The following EPAS1 variants were observed in gnomAD, a reference collection of about 807,000 sequenced individuals.
The protein encoded by EPAS1 is endothelial PAS domain protein 1.
A neutral mutation model predicts 87.9 loss-of-function variants in EPAS1; 23 were observed. The ratio of observed to expected loss-of-function variants is 0.26; its 90% confidence interval spans 0.19 to 0.37. The LOEUF is 0.37. Among genes scored for constraint, EPAS1 ranks in the 10% least tolerant of loss-of-function variants. EPAS1 has a pLI of 1.00. For missense variants in EPAS1, 1,138 were observed against 1,120.7 expected (o/e 1.02, Z -0.22); for synonymous variants, 508 against 444.3 (o/e 1.14, Z -1.80).
In EPAS1 at chr2:46,300,043, G is replaced by C. The variant is rs1217423277; in HGVS notation, c.26+2106G>C. Among the ~76,000 whole-genome samples, 1 of 152,232 alleles carries C rather than the reference G, an allele frequency of 6.6e-6. No individual in the cohort carries two copies. The highest frequency in any genetic ancestry group is 1.5e-5 in the Non-Finnish European group (1 of 68,036). On this transcript the variant is annotated intron_variant, in intron 1 of 15. Transcript: ENST00000263734. This position sits in a 1 kb window ranked among gnomAD's most constrained non-coding sequence, Gnocchi z 4.1. ...GTGCTGCAGAATGGCAGGGCAAACAGCGTGTCCTTCACCATCTAGAGCCCC... is the reference window on the plus strand; with the variant it reads ...GTGCTGCAGAATGGCAGGGCAAACACCGTGTCCTTCACCATCTAGAGCCCC...
rs778451930 is a variant in EPAS1, at chr2:46,356,135, C to T, written c.218-16C>T. ...TCCACATTCATGCAAGCTGTCCCAC[C>T]CCCCCCCCTTTCCAGTTTGCTCTGA... is the stretch of plus-strand genomic sequence containing the variant. On this transcript the variant is annotated splice_polypyrimidine_tract_variant and intron_variant, in intron 2 of 15. Coordinates refer to ENST00000263734, the MANE Select transcript of EPAS1 (RefSeq NM_001430.5). 12 of 1,242,900 alleles carry T rather than the reference C, an allele frequency of 9.7e-6. No individual in the cohort carries two copies. Among genetic ancestry groups the T allele is most frequent in the Non-Finnish European group, 1.4e-5 (12 of 886,520 alleles). The allele number at this position is 1,242,900 out of a possible 1,614,324, so 77.0% of individuals were successfully genotyped here.
chr2:46,298,923 G>C (rs1682940397), intron 1 of EPAS1, among the ~76,000 whole-genome samples: 2 of 152,324 alleles, frequency 1.3e-5, no homozygotes, highest in Admixed American at 1.3e-4. Context: ...CCACCCGTGC[G>C]GCCCCAGTGG....
Position 46,356,715 on chromosome 2 carries a change from T to C in EPAS1, c.370-9T>C, listed in dbSNP as rs754298535. 5 of 1,609,534 alleles carry C rather than the reference T, an allele frequency of 3.1e-6. No homozygotes were observed. In the East Asian group the frequency reaches 1.1e-4, roughly 36 times the overall value. The stretch of plus-strand genomic sequence containing the variant: ...GGAATAATGATGCCTAACCTTGTTT[T>C]TGAAACAGGTGGAGCTAACAGGACA... On this transcript the variant is annotated splice_polypyrimidine_tract_variant and intron_variant, in intron 3 of 15. Coordinates refer to ENST00000263734, the MANE Select transcript of EPAS1 (RefSeq NM_001430.5).
rs186296332 is a variant in EPAS1, at chr2:46,329,323, G to A, written c.27-17550G>A. ...TTTCCTAGGACTCAGCACCTATGCC[G>A]ACAGTCCTTGCAAGACAGGAGGGGA... On this transcript the variant is annotated intron_variant, in intron 1 of 15. Transcript: ENST00000263734. Among the ~76,000 whole-genome samples the A allele has an allele frequency of 5.9e-4, 90 of 152,222 alleles. No homozygotes were observed. The East Asian group carries it at 6.6e-3, about 11-fold the overall frequency.
At chr2:46,328,532 G>A (rs1265725006) in intron 1 of EPAS1, among the ~76,000 whole-genome samples, 4 of 152,290 alleles carry the variant, frequency 2.6e-5, no homozygotes, top group Admixed American at 6.5e-5. Context: ...TGATGGGCCT[G>A]TTTATGACCT....
intron 1 of EPAS1, among the ~76,000 whole-genome samples, chr2:46,327,337 TATTAGAGA>T (rs1233392242): frequency 6.6e-6 from 1 of 151,670 alleles, no homozygotes; most frequent in Non-Finnish European, 1.5e-5. Flanking sequence ...TACAGGAGAG[TATTAGAGA>T]ATTAGAGAAT....
At position 46,346,845 on chromosome 2, in the gene EPAS1, C is replaced by T. The variant is rs368876660; in HGVS notation, c.27-28C>T. 4.8e-5 allele frequency: 77 copies of T among 1,613,198 alleles called. No individual in the cohort carries two copies. Among genetic ancestry groups the T allele is most frequent in the Non-Finnish European group, 5.8e-5 (69 of 1,179,494 alleles). ...TATGATAGGCTGACAGTAACCTTTC[C>T]GGGACTAACCCCTTCTTCTCCACTT... On this transcript the variant is annotated intron_variant, in intron 1 of 15. Transcript: ENST00000263734. The surrounding 1 kb of genome is among the most constrained non-coding windows in gnomAD (Gnocchi z 4.0).
intron 1 of EPAS1, among the ~76,000 whole-genome samples, chr2:46,338,460 C>T (rs992813138): frequency 5.3e-5 from 8 of 152,180 alleles, no homozygotes; most frequent in African/African-American, 1.9e-4. Context: ...TGGAGAGCCA[C>T]GCAAATGCCT....
At chr2:46,341,396 T>C (rs1683910495) in intron 1 of EPAS1, among the ~76,000 whole-genome samples, 1 of 152,212 alleles carries the variant, frequency 6.6e-6, no homozygotes, top group African/African-American at 2.4e-5. Flanking sequence ...TGAAGTTAAT[T>C]CTAAAAGACT....
At chr2:46,358,801 C>A (rs1331259566) in intron 4 of EPAS1, among the ~76,000 whole-genome samples, 1 of 152,100 alleles carries the variant, frequency 6.6e-6, no homozygotes, top group Non-Finnish European at 1.5e-5. Flanking sequence ...GTGATCTAGA[C>A]CTAAAGGGTT....
intron 2 of EPAS1, among the ~76,000 whole-genome samples, chr2:46,351,692 G>T (rs1684148201): frequency 6.6e-6 from 1 of 152,176 alleles, no homozygotes; most frequent in African/African-American, 2.4e-5. Flanking sequence ...GAACCAGGAA[G>T]ACCCCATCAG....
At chr2:46,316,684 G>A (rs1386947309) in intron 1 of EPAS1, among the ~76,000 whole-genome samples, 1 of 152,192 alleles carries the variant, frequency 6.6e-6, no homozygotes, top group Non-Finnish European at 1.5e-5. Context: ...ATCGGTGGCT[G>A]CAGAACTGAT....
At position 46,297,694 on chromosome 2, in the gene EPAS1, C is replaced by G. The variant is rs1209968748; in HGVS notation, c.-218C>G. 5.2e-6 allele frequency: 3 copies of G among 574,300 alleles called. No homozygotes were observed. Among genetic ancestry groups the G allele is most frequent in the African/African-American group, 4.0e-5 (2 of 50,216 alleles). 35.6% of individuals were successfully genotyped at this position (574,300 alleles called of 1,614,324 possible). On this transcript the variant is annotated 5_prime_UTR_variant, in exon 1 of 16. Coordinates refer to ENST00000263734, the MANE Select transcript of EPAS1 (RefSeq NM_001430.5). ...TCCTTCCCCGGACCCCGCCTCCGCG[C>G]GCAGGTTCCTCCCAGTCACCTTTCT...
rs1410580745 is a variant in EPAS1, at chr2:46,379,048, T to TAAAC, written c.1554+283_1554+286dup. Among the ~76,000 whole-genome samples, 5 of 152,342 alleles carry TAAAC rather than the reference T, an allele frequency of 3.3e-5. No homozygotes were observed. The East Asian group carries it at 7.7e-4, about 23-fold the overall frequency. Reference sequence around the variant, plus strand: ...GAAATGATACCACTGCACCTTTCTTTAAACAGGCCCTACATTTAACAAGCA... The same window carrying TAAAC: ...GAAATGATACCACTGCACCTTTCTTTAAACAAACAGGCCCTACATTTAACAAGCA... On this transcript the variant is annotated intron_variant, in intron 11 of 15. Transcript: ENST00000263734.
At chr2:46,332,289 T>A (rs1426943597) in intron 1 of EPAS1, among the ~76,000 whole-genome samples, 2 of 110,828 alleles carry the variant, frequency 1.8e-5, no homozygotes, top group African/African-American at 4.5e-5. Context: ...AAAAAAAAAA[T>A]ACGTGTGTGT....
intron 7 of EPAS1, among the ~76,000 whole-genome samples, chr2:46,373,458 A>G (rs1435355927): frequency 6.6e-6 from 1 of 152,246 alleles, no homozygotes; most frequent in Admixed American, 6.5e-5. Context: ...GAAAAGGAAT[A>G]AACCACAAAT....
chr2:46,317,304 ACTAT>A (rs1469575171), intron 1 of EPAS1, among the ~76,000 whole-genome samples: 2 of 152,238 alleles, frequency 1.3e-5, no homozygotes, highest in African/African-American at 2.4e-5. Context: ...TCTAGGAATC[ACTAT>A]CTATGGCAGC....
intron 1 of EPAS1, among the ~76,000 whole-genome samples, chr2:46,312,461 T>G (rs1683231189): frequency 1.3e-5 from 2 of 152,190 alleles, no homozygotes; most frequent in Non-Finnish European, 2.9e-5. Flanking sequence ...CCATGCATTT[T>G]TAAAGTCTAT....
intron 2 of EPAS1, among the ~76,000 whole-genome samples, chr2:46,354,972 GT>G (rs912327657): frequency 3.9e-5 from 6 of 152,130 alleles, no homozygotes; most frequent in African/African-American, 1.4e-4. Context: ...AGTGAAATCT[GT>G]TTTTTCTAAG....
Sources: allele counts gnomAD v4.1 joint callset (sites outside exome capture counted in the v4.1 genomes callset), GRCh38; gene constraint gnomAD v4.1.1; non-coding constraint Gnocchi (gnomAD v3.1); transcripts MANE v1.5; gene names NCBI Gene and HGNC (gene_info 2026-07-23, HGNC 2026-07-21).